The following PARP16 variants were observed in gnomAD, a reference collection of about 807,000 sequenced individuals.
PARP16 encodes the protein protein mono-ADP-ribosyltransferase PARP16.
Under a neutral mutation model 35.0 loss-of-function variants are expected in PARP16, and 31 were observed. The observed-to-expected ratio is 0.88, with a 90% CI of 0.66 to 1.19. The LOEUF is 1.19. Among genes scored for constraint, PARP16 ranks in the 50% most tolerant of loss-of-function variants. The pLI, the probability that PARP16 is intolerant of heterozygous loss-of-function variation, is 0.00. For missense variants in PARP16, 424 were observed against 411.2 expected (o/e 1.03, Z -0.27); for synonymous variants, 162 against 169.5 (o/e 0.96, Z 0.34).
chr15:65,234,536 A>G (rs1384817944), exon 4 of PARP16: 1 of 152,232 alleles, frequency 6.6e-6, no homozygotes, highest in African/African-American at 2.4e-5. Context: ...CTGCTGCATA[A>G]CATATCATAT....
chr15:65,237,091 T>G (rs1030377545), intron 3 of PARP16, among the ~76,000 whole-genome samples: 14 of 152,100 alleles, frequency 9.2e-5, no homozygotes, highest in African/African-American at 3.4e-4. Context: ...GCTGTGTAGA[T>G]GGCCCCAGCC....
intron 3 of PARP16, among the ~76,000 whole-genome samples, chr15:65,236,179 C>T (rs1345788677): frequency 1.3e-5 from 2 of 152,108 alleles, no homozygotes; most frequent in Non-Finnish European, 2.9e-5. Flanking sequence ...GTTTTAAACC[C>T]ACCACATCTC....
rs574559896 is a variant in PARP16 at position 65,274,003 on chromosome 15, A to AGT, written c.175-2933_175-2932dup. Reference sequence around the variant, plus strand: ...GGTCACGCTCTGTTGCCCAGGCTGGAGTGCAGTGGCACAAACACAGCTCAC... The same window carrying AGT: ...GGTCACGCTCTGTTGCCCAGGCTGGAGTGTGCAGTGGCACAAACACAGCTCAC... On this transcript the variant is annotated intron_variant, in intron 1 of 5. Transcript: ENST00000649807. Among the ~76,000 whole-genome samples the AGT allele has an allele frequency of 1.4e-3, 220 of 152,166 alleles. 1 individual carries two copies. The highest frequency in any genetic ancestry group is 3.5e-3 in the Admixed American group (53 of 15,280).
chr15:65,239,176 C>T (rs1394608604), intron 3 of PARP16, among the ~76,000 whole-genome samples: 2 of 151,926 alleles, frequency 1.3e-5, no homozygotes, highest in African/African-American at 4.8e-5. Flanking sequence ...GCCTGTAATC[C>T]TAGCACTTTG....
intron 3 of PARP16, among the ~76,000 whole-genome samples, chr15:65,239,510 G>T (rs1220813034): frequency 4.3e-5 from 6 of 140,116 alleles, no homozygotes; most frequent in Non-Finnish European, 6.1e-5. Flanking sequence ...CTATACCTAT[G>T]ACCTCCAAAA....
At chr15:65,257,629 C>CAAAAAAAA (rs5813342), downstream of PARP16, among the ~76,000 whole-genome samples, 2 of 66,902 alleles carry the variant, frequency 3.0e-5, no homozygotes, top group African/African-American at 6.0e-5. Context: ...GACTCTGTCT[C>CAAAAAAAA]AAAAAAAAAA....
intron 3 of PARP16, among the ~76,000 whole-genome samples, chr15:65,246,051 C>T (rs2089201007): frequency 6.6e-6 from 1 of 151,910 alleles, no homozygotes; most frequent in African/African-American, 2.4e-5. Context: ...TATCTGTGAC[C>T]CATGTTGGGG....
In PARP16 at chr15:65,263,157, T is replaced by C. The variant is rs1396792949; in HGVS notation, c.683A>G (p.Lys228Arg). Reference protein sequence around the residue: ...IDHPDVKCQTKKKDSKEIDRR... With the variant: ...IDHPDVKCQTRKKDSKEIDRR... ...ACCAAGTGCTCACTCACCCTTCTTCTTGGTTTGGCACTTGACGTCCGGATG... is the reference window on the plus strand; with the variant it reads ...ACCAAGTGCTCACTCACCCTTCTTCCTGGTTTGGCACTTGACGTCCGGATG... The change falls in exon 4 of 6, where the codon AAG becomes AGG. Residue 228 changes from lysine to arginine, a missense_variant. Physicochemically the swap from Lys to Arg is conservative, Grantham distance 26 (BLOSUM62 2). Transcript: ENST00000649807. The C allele has an allele frequency of 6.2e-7, 1 of 1,613,706 alleles. No homozygotes were observed. Among genetic ancestry groups the C allele is most frequent in the African/African-American group, 1.3e-5 (1 of 74,906 alleles).
intron 3 of PARP16, among the ~76,000 whole-genome samples, chr15:65,238,696 T>C (rs572238312): frequency 6.6e-6 from 1 of 152,354 alleles, no homozygotes; most frequent in East Asian, 1.9e-4. Flanking sequence ...AGGGTGATTT[T>C]TTAAGAAACA....
At chr15:65,244,241 C>A (rs1310030465) in intron 3 of PARP16, among the ~76,000 whole-genome samples, 1 of 152,180 alleles carries the variant, frequency 6.6e-6, no homozygotes, top group Non-Finnish European at 1.5e-5. Flanking sequence ...TTACTTCCTT[C>A]ATATAATATA....
intron 1 of PARP16, among the ~76,000 whole-genome samples, chr15:65,276,218 A>G (rs2090249496): frequency 6.6e-6 from 1 of 152,276 alleles, no homozygotes; most frequent in East Asian, 1.9e-4. Flanking sequence ...CTGCTTCAAC[A>G]ATTTAATAGG....
At chr15:65,243,915 A>G (rs2089142099) in intron 3 of PARP16, among the ~76,000 whole-genome samples, 1 of 151,806 alleles carries the variant, frequency 6.6e-6, no homozygotes, top group Non-Finnish European at 1.5e-5. Flanking sequence ...GCCCTTCCAC[A>G]TGCTGCCTTC....
chr15:65,255,671 T>C (rs1033502044), downstream of PARP16, among the ~76,000 whole-genome samples: 2 of 148,848 alleles, frequency 1.3e-5, no homozygotes, highest in African/African-American at 5.0e-5. Context: ...TATCAGGTAT[T>C]GCGTTACCAT....
chr15:65,259,252 A>C lies in PARP16; in HGVS notation c.*155T>G, dbSNP rs2089618092. 4.3e-6 allele frequency: 3 copies of C among 702,566 alleles called. No individual in the cohort carries two copies. Among genetic ancestry groups the C allele is most frequent in the Non-Finnish European group, 7.6e-6 (3 of 395,834 alleles). 43.5% of individuals were successfully genotyped at this position (702,566 alleles called of 1,614,324 possible). On this transcript the variant is annotated 3_prime_UTR_variant, in exon 6 of 6. Transcript: ENST00000649807. ...TGGAGTATGGCTGGGAACATCATCAAAGGCAATGGATACATTTAGGCCATA... is the reference window on the plus strand; with the variant it reads ...TGGAGTATGGCTGGGAACATCATCACAGGCAATGGATACATTTAGGCCATA...
intron 1 of PARP16, 95 bp from the exon 2 acceptor site, chr15:65,271,167 C>A: frequency 1.6e-6 from 2 of 1,215,578 alleles, no homozygotes; most frequent in South Asian, 1.3e-5. Context: ...TCACTTGTTG[C>A]ACGTCTCAAG....
chr15:65,275,015 T>G (rs1213483499), intron 1 of PARP16, among the ~76,000 whole-genome samples: 2 of 151,916 alleles, frequency 1.3e-5, no homozygotes, highest in Non-Finnish European at 1.5e-5. Flanking sequence ...CTCTGGAGAC[T>G]GAGGCAGGAG....
Position 65,266,606 on chromosome 15 carries a change from A to C in PARP16, c.475T>G (p.Phe159Val). Residue 159 changes from phenylalanine to valine, a missense_variant, in exon 3 of 6, where the codon TTC becomes GTC. Physicochemically the swap from Phe to Val is conservative, Grantham distance 50. Coordinates refer to ENST00000649807, the MANE Select transcript of PARP16 (RefSeq NM_001316943.2). The stretch of plus-strand genomic sequence containing the variant: ...AGGCCATTGTGGATAATGGAATGGA[A>C]GTTTTCTAGGCGGCTACCATGAAAT... ...YAFHGSRLENFHSIIHNGLHC... is the reference protein window; with the variant it reads ...YAFHGSRLENVHSIIHNGLHC... 11 of 1,614,086 alleles carry C rather than the reference A, an allele frequency of 6.8e-6. No individual in the cohort carries two copies. Among genetic ancestry groups the C allele is most frequent in the Non-Finnish European group, 9.3e-6 (11 of 1,180,022 alleles).
intron 3 of PARP16, among the ~76,000 whole-genome samples, chr15:65,239,728 C>A (rs1341567845): frequency 6.7e-6 from 1 of 149,826 alleles, no homozygotes; most frequent in Non-Finnish European, 1.5e-5. Context: ...GCGATCTCCC[C>A]TCACTGCAAG....
At chr15:65,256,538 G>A (rs897078074), downstream of PARP16, among the ~76,000 whole-genome samples, 2 of 151,340 alleles carry the variant, frequency 1.3e-5, no homozygotes, top group Admixed American at 6.6e-5. Flanking sequence ...CTCCCGAGTA[G>A]CTGGGACTAC....
Sources: allele counts gnomAD v4.1 joint callset (sites outside exome capture counted in the v4.1 genomes callset), GRCh38; gene constraint gnomAD v4.1.1; transcripts MANE v1.5; gene names NCBI Gene and HGNC (gene_info 2026-07-23, HGNC 2026-07-21).